Variants in METTL18 observed in about 807,000 individuals in gnomAD.
METTL18 encodes the protein methyltransferase 18, RPL3 N3(tau)-histidine, also known as histidine protein methyltransferase 1 homolog.
A neutral mutation model predicts 19.6 loss-of-function variants in METTL18; 15 were observed. The observed-to-expected ratio is 0.77, with a 90% confidence interval of 0.51 to 1.18. METTL18 has a LOEUF of 1.18. METTL18 is among the 50% of genes most tolerant of loss of function. The pLI, the probability that METTL18 is intolerant of heterozygous loss-of-function variation, is 0.00. For synonymous variants in METTL18, 131 were observed against 145.2 expected (o/e 0.90, Z 0.70); for missense variants, 392 against 418.8 (o/e 0.94, Z 0.56).
rs199967366 is a variant in METTL18, at chr1:169,792,826, A to T, written c.870T>A (p.Ile290=). The change falls in exon 2 of 2, where the codon ATT becomes ATA. Residue 290 remains isoleucine (I), a synonymous_variant. Transcript: ENST00000310392. ...GGTTGTAAATGGTTTCTGAGGTGAG[A>T]ATGAGATCATATTTTACAAAAAGTT... ...SEKLFVKYDL[I]LTSETIYNPD... 5 of 1,613,804 alleles carry T rather than the reference A, an allele frequency of 3.1e-6. No homozygotes were observed. The highest frequency in any genetic ancestry group is 4.2e-6 in the Non-Finnish European group (5 of 1,179,964).
Position 169,794,813 on chromosome 1 carries a change from A to C in METTL18, c.-203+2T>G. 2.5e-6 allele frequency: 1 copy of C among 405,850 alleles called. No individual in the cohort carries two copies. Among genetic ancestry groups the C allele is most frequent in the Non-Finnish European group, 4.6e-6 (1 of 216,684 alleles). 25.1% of individuals were successfully genotyped at this position (405,850 alleles called of 1,614,324 possible). On this transcript the variant is annotated splice_donor_variant, in intron 1 of 1. Coordinates refer to ENST00000310392, the MANE Select transcript of METTL18 (RefSeq NM_033418.4). LOFTEE classifies it low-confidence loss of function (5UTR_SPLICE). ...GAATGTAATGTTTACAGTGATCCAGACCTGGGGATGCTTGCTTCCCGACGT... is the reference window on the plus strand; with the variant it reads ...GAATGTAATGTTTACAGTGATCCAGCCCTGGGGATGCTTGCTTCCCGACGT...
In METTL18 at chr1:169,792,896, GA is replaced by G; in HGVS notation, c.799del (p.Ser267LeufsTer12). The G allele has an allele frequency of 1.9e-6, 3 of 1,614,038 alleles. No individual in the cohort carries two copies. Among genetic ancestry groups the G allele is most frequent in the African/African-American group, 1.3e-5 (1 of 75,020 alleles). ...VTQLYKCRFF[S>X]GEWSEFCKLV... ...CTTACAAAACTCAGACCACTCACCA[GA>G]AAAAAATCGGCATTTATATAGTTGT... On this transcript the variant is annotated frameshift_variant, in exon 2 of 2. Coordinates refer to ENST00000310392, the MANE Select transcript of METTL18 (RefSeq NM_033418.4). LOFTEE classifies it high-confidence loss of function.
In METTL18 at chr1:169,792,573, T is replaced by C; in HGVS notation, c.*4A>G. 6.6e-7 allele frequency: 1 copy of C among 1,519,020 alleles called. No homozygotes were observed. The highest frequency in any genetic ancestry group is 8.8e-7 in the Non-Finnish European group (1 of 1,138,038). The allele number at this position is 1,519,020 out of a possible 1,614,324, so 94.1% of individuals were successfully genotyped here. On this transcript the variant is annotated 3_prime_UTR_variant, in exon 2 of 2. Transcript: ENST00000310392. ...TTTCATTTTGGATACTCAGTGAATG[T>C]TAATTAACCAGGAAACTTAAAAGTT... is the stretch of plus-strand genomic sequence containing the variant.
intron 1 of METTL18, among the ~76,000 whole-genome samples, chr1:169,794,190 G>A (rs1184042728): frequency 6.6e-6 from 1 of 152,108 alleles, no homozygotes; most frequent in African/African-American, 2.4e-5. Context: ...ATTCAGACAG[G>A]ACAGCCTAGC....
rs771390263 is a variant in METTL18 at position 169,792,610 on chromosome 1, G to T, written c.1086C>A (p.Phe362Leu). 4.4e-6 allele frequency: 7 copies of T among 1,574,386 alleles called. No homozygotes were observed. The highest frequency in any genetic ancestry group is 6.0e-6 in the Non-Finnish European group (7 of 1,165,724). Residue 362 changes from phenylalanine to leucine, a missense_variant, in exon 2 of 2, where the codon TTC becomes TTA. Physicochemically the swap from Phe to Leu is conservative, Grantham distance 22 (BLOSUM62 0). Coordinates refer to ENST00000310392, the MANE Select transcript of METTL18 (RefSeq NM_033418.4). Reference protein sequence around the residue: ...LKIIDEGLKRFIIEITFKFPG With the variant: ...LKIIDEGLKRLIIEITFKFPG ...GAAACTTAAAAGTTATTTCAATTAT[G>T]AACCTCTTCAATCCTTCATCAATTA...
rs1571174129 is a variant in METTL18 at position 169,793,643 on chromosome 1, G to A, written c.53C>T (p.Thr18Ile). ...TIEDHLENELTPIRDGALTLD... is the reference protein window; with the variant it reads ...TIEDHLENELIPIRDGALTLD... ...GGTCAAAGCTCCATCTCTAATGGGT[G>A]TTAATTCATTTTCCAGATGGTCTTC... is the stretch of plus-strand genomic sequence containing the variant. Residue 18 changes from threonine to isoleucine, a missense_variant, in exon 2 of 2, where the codon ACA becomes ATA. Transcript: ENST00000310392. 2 of 1,613,040 alleles carry A rather than the reference G, an allele frequency of 1.2e-6. No homozygotes were observed. Among genetic ancestry groups the A allele is most frequent in the East Asian group, 2.2e-5 (1 of 44,868 alleles).
In METTL18 at chr1:169,793,125, C is replaced by CT. The variant is rs1650196301; in HGVS notation, c.570dup (p.Val191SerfsTer29). 1 of 1,614,058 alleles carries CT rather than the reference C, an allele frequency of 6.2e-7. No homozygotes were observed. The highest frequency in any genetic ancestry group is 8.5e-7 in the Non-Finnish European group (1 of 1,180,042). ...CCTGATCCACAACCAAGATCCAAGA[C>CT]TTTTTTCCCAGCAAATTTCACTTTG... On this transcript the variant is annotated frameshift_variant, in exon 2 of 2. Transcript: ENST00000310392. LOFTEE classifies it high-confidence loss of function.
chr1:169,794,255 G>C (rs1286461091), intron 1 of METTL18, among the ~76,000 whole-genome samples: 1 of 152,130 alleles, frequency 6.6e-6, no homozygotes, highest in Non-Finnish European at 1.5e-5. Flanking sequence ...CACCCCCTAA[G>C]CTTCCAGAAT....
rs1385893597 is a variant in METTL18 at position 169,794,834 on chromosome 1, G to A, written c.-222C>T. 12 of 449,796 alleles carry A rather than the reference G, an allele frequency of 2.7e-5. No homozygotes were observed. The highest frequency in any genetic ancestry group is 1.1e-4 in the South Asian group (4 of 37,428). 27.9% of individuals were successfully genotyped at this position (449,796 alleles called of 1,614,324 possible). ...CCAGACCTGGGGATGCTTGCTTCCC[G>A]ACGTGTCCTGGGATCGCGCTTCTGA... is the stretch of plus-strand genomic sequence containing the variant. On this transcript the variant is annotated 5_prime_UTR_variant, in exon 1 of 2. Coordinates refer to ENST00000310392, the MANE Select transcript of METTL18 (RefSeq NM_033418.4).
chr1:169,793,341 CTA>C lies in METTL18; in HGVS notation c.353_354del (p.Ile118ArgfsTer10). The C allele has an allele frequency of 6.2e-7, 1 of 1,614,188 alleles. No homozygotes were observed. Among genetic ancestry groups the C allele is most frequent in the Non-Finnish European group, 8.5e-7 (1 of 1,180,028 alleles). On this transcript the variant is annotated frameshift_variant, in exon 2 of 2. Coordinates refer to ENST00000310392, the MANE Select transcript of METTL18 (RefSeq NM_033418.4). LOFTEE classifies it high-confidence loss of function. Reference protein sequence around the residue: ...DLKKMLENKVIETLPGFQHVK... With the variant: ...DLKKMLENKVXETLPGFQHVK... ...ACATGCTGGAAACCTGGTAATGTTT[CTA>C]TGACTTTATTTTCTAACATCTTCTT...
rs147719562 is a variant in METTL18 at position 169,793,651 on chromosome 1, A to G, written c.45T>C (p.Asn15=). The part of the protein sequence containing the change: ...FNFTIEDHLE[N]ELTPIRDGAL... The stretch of plus-strand genomic sequence containing the variant: ...CTCCATCTCTAATGGGTGTTAATTC[A>G]TTTTCCAGATGGTCTTCTATAGTGA... The change falls in exon 2 of 2, where the codon AAT becomes AAC. Residue 15 remains asparagine (N), a synonymous_variant. Coordinates refer to ENST00000310392, the MANE Select transcript of METTL18 (RefSeq NM_033418.4). 3 of 1,611,592 alleles carry G rather than the reference A, an allele frequency of 1.9e-6. No individual in the cohort carries two copies. In the African/African-American group the frequency reaches 4.0e-5, roughly 22 times the overall value.
rs771330012 is a variant in METTL18 at position 169,793,378 on chromosome 1, A to G, written c.318T>C (p.Pro106=). 1 of 1,614,180 alleles carries G rather than the reference A, an allele frequency of 6.2e-7. No homozygotes were observed. Among genetic ancestry groups the G allele is most frequent in the South Asian group, 1.1e-5 (1 of 91,080 alleles). ...SLRAAKEHAM[P]KDLKKMLENK... ...TTTCTAACATCTTCTTTAAATCTTT[A>G]GGCATAGCATGCTCTTTGGCAGCTC... Residue 106 remains proline, a synonymous_variant, in exon 2 of 2, where the codon CCT becomes CCC. Transcript: ENST00000310392.
rs767008118 is a variant in METTL18, at chr1:169,793,401, C to T, written c.295G>A (p.Ala99Thr). The change falls in exon 2 of 2, where the codon GCT becomes ACT. Residue 99 changes from alanine (A) to threonine (T), a missense_variant. Coordinates refer to ENST00000310392, the MANE Select transcript of METTL18 (RefSeq NM_033418.4). ...EPHGKQPSLR[A>T]AKEHAMPKDL... ...TTAGGCATAGCATGCTCTTTGGCAG[C>T]TCTCAAGGAGGGCTGTTTTCCATGT... is the stretch of plus-strand genomic sequence containing the variant. 8.7e-6 allele frequency: 14 copies of T among 1,614,094 alleles called. No individual in the cohort carries two copies. Among genetic ancestry groups the T allele is most frequent in the Middle Eastern group, 1.6e-4 (1 of 6,084 alleles).
chr1:169,793,040 TTA>T lies in METTL18; in HGVS notation c.654_655del (p.Tyr218Ter). 6.2e-7 allele frequency: 1 copy of T among 1,614,160 alleles called. No homozygotes were observed. The highest frequency in any genetic ancestry group is 8.5e-7 in the Non-Finnish European group (1 of 1,180,022). On this transcript the variant is annotated stop_gained and frameshift_variant, in exon 2 of 2. Transcript: ENST00000310392. LOFTEE classifies it high-confidence loss of function. Reference sequence around the variant, plus strand: ...GGTTACTTCATCAATCACCATACTGTTATAATCTTGAAAGTGAATTTCTTTGG... The same window carrying T: ...GGTTACTTCATCAATCACCATACTGTTAATCTTGAAAGTGAATTTCTTTGG...
Position 169,792,762 on chromosome 1 carries a change from G to C in METTL18, c.934C>G (p.Leu312Val). ...AGTACACGTCCATTTTTACTTAACA[G>C]TCTAAGGAAAGTCTGGTGCAAATTA... is the stretch of plus-strand genomic sequence containing the variant. The part of the protein sequence containing the change: ...YSNLHQTFLR[L>V]LSKNGRVLLA... Residue 312 changes from leucine to valine, a missense_variant, in exon 2 of 2, where the codon CTG becomes GTG. Coordinates refer to ENST00000310392, the MANE Select transcript of METTL18 (RefSeq NM_033418.4). The C allele has an allele frequency of 6.2e-7, 1 of 1,613,656 alleles. No homozygotes were observed. Among genetic ancestry groups the C allele is most frequent in the Non-Finnish European group, 8.5e-7 (1 of 1,179,882 alleles).
At position 169,793,130 on chromosome 1, in the gene METTL18, T is replaced by G; in HGVS notation, c.566A>C (p.Lys189Thr). The G allele has an allele frequency of 6.2e-7, 1 of 1,614,196 alleles. No individual in the cohort carries two copies. The highest frequency in any genetic ancestry group is 1.1e-5 in the South Asian group (1 of 91,084). The change falls in exon 2 of 2, where the codon AAA (lysine) becomes ACA (threonine). Residue 189 changes from lysine (K) to threonine (T), a missense_variant. Coordinates refer to ENST00000310392, the MANE Select transcript of METTL18 (RefSeq NM_033418.4). Reference sequence around the variant, plus strand: ...TCCACAACCAAGATCCAAGACTTTTTTCCCAGCAAATTTCACTTTGGCCTT... The same window carrying G: ...TCCACAACCAAGATCCAAGACTTTTGTCCCAGCAAATTTCACTTTGGCCTT... ...FTKAKVKFAG[K>T]KVLDLGCGSG...
Position 169,794,250 on chromosome 1 carries a change from C to G in METTL18, c.-202-353G>C, listed in dbSNP as rs1014187735. Among the ~76,000 whole-genome samples the G allele has an allele frequency of 5.9e-5, 9 of 152,276 alleles. No homozygotes were observed. In the East Asian group the frequency reaches 9.6e-4, roughly 16 times the overall value. On this transcript the variant is annotated intron_variant, in intron 1 of 1. Coordinates refer to ENST00000310392, the MANE Select transcript of METTL18 (RefSeq NM_033418.4). ...GATTTGTGTCCAACCATATTCACCC[C>G]CTAAGCTTCCAGAATAACTTCACTT...
chr1:169,794,393 A>C (rs1020966830), intron 1 of METTL18, among the ~76,000 whole-genome samples: 2 of 152,198 alleles, frequency 1.3e-5, no homozygotes, highest in East Asian at 3.8e-4. Flanking sequence ...CCAAACATTT[A>C]GTCGAGAACA....
In METTL18 at chr1:169,793,414, C is replaced by T; in HGVS notation, c.282G>A (p.Gln94=). ...GCTCTTTGGCAGCTCTCAAGGAGGGCTGTTTTCCATGTGGCTCCAAGTTCC... is the reference window on the plus strand; with the variant it reads ...GCTCTTTGGCAGCTCTCAAGGAGGGTTGTTTTCCATGTGGCTCCAAGTTCC... ...SSRNLEPHGK[Q]PSLRAAKEHA... Residue 94 remains glutamine (Q), a synonymous_variant, in exon 2 of 2, where the codon CAG becomes CAA. Coordinates refer to ENST00000310392, the MANE Select transcript of METTL18 (RefSeq NM_033418.4). The T allele has an allele frequency of 1.2e-6, 2 of 1,614,128 alleles. No homozygotes were observed. The highest frequency in any genetic ancestry group is 2.2e-5 in the South Asian group (2 of 91,072).
Sources: allele counts gnomAD v4.1 joint callset (sites outside exome capture counted in the v4.1 genomes callset), GRCh38; gene constraint gnomAD v4.1.1; transcripts MANE v1.5; gene names NCBI Gene and HGNC (gene_info 2026-07-23, HGNC 2026-07-21).